ZNF804B: variants seen among roughly 807,000 people sequenced by gnomAD.
ZNF804B encodes the protein zinc finger 804B.
Under a neutral mutation model 101.4 loss-of-function variants are expected in ZNF804B, and 80 were observed. The observed-to-expected ratio is 0.79, with a 90% CI of 0.66 to 0.95. ZNF804B has a LOEUF of 0.95. Ranked by LOEUF, ZNF804B falls within the 40% of genes least tolerant of loss-of-function variation. The probability of loss-of-function intolerance (pLI) is 0.00; values close to 1 mark genes in which losing one functional copy is unlikely to be tolerated. For synonymous variants in ZNF804B, 622 were observed against 558.8 expected (o/e 1.11, Z -1.59); for missense variants, 1,673 against 1,561.9 (o/e 1.07, Z -1.20).
intron 2 of ZNF804B, among the ~76,000 whole-genome samples, chr7:89,247,121 G>A (rs1190891072): frequency 1.3e-5 from 2 of 152,206 alleles, no homozygotes; most frequent in Non-Finnish European, 2.9e-5. Context: ...TCAGGGCTGA[G>A]GAGATTTCCT....
intron 1 of ZNF804B, among the ~76,000 whole-genome samples, chr7:88,978,644 G>A (rs554623265): frequency 6.7e-6 from 1 of 148,748 alleles, no homozygotes; most frequent in East Asian, 2.0e-4. Flanking sequence ...ATTTGCTCTT[G>A]TTTTTTTTTA....
chr7:88,781,336 A>C (rs930666672), intron 1 of ZNF804B, among the ~76,000 whole-genome samples: 85 of 152,336 alleles, frequency 5.6e-4, no homozygotes, highest in African/African-American at 1.8e-3. Context: ...TAAGAGCAGC[A>C]GCAGAAGCCT....
intron 1 of ZNF804B, among the ~76,000 whole-genome samples, chr7:88,891,691 C>A (rs1466886661): frequency 7.1e-6 from 1 of 140,582 alleles, no homozygotes; most frequent in African/African-American, 2.6e-5. Flanking sequence ...TATTTTATTT[C>A]TTTCTCTCTA....
chr7:88,851,497 G>C (rs1057083463), intron 1 of ZNF804B, among the ~76,000 whole-genome samples: 21 of 151,946 alleles, frequency 1.4e-4, no homozygotes, highest in Non-Finnish European at 2.9e-5. Flanking sequence ...TCGAAACAAA[G>C]AAACCATAAT....
intron 1 of ZNF804B, among the ~76,000 whole-genome samples, chr7:88,786,878 T>A (rs1157986961): frequency 6.6e-6 from 1 of 152,150 alleles, no homozygotes; most frequent in Admixed American, 6.6e-5. Context: ...CTTTTTGTGA[T>A]AAGACACTAA....
chr7:89,263,146 T>G (rs1789735850), intron 2 of ZNF804B, among the ~76,000 whole-genome samples: 1 of 152,186 alleles, frequency 6.6e-6, no homozygotes, highest in African/African-American at 2.4e-5. Flanking sequence ...GGACACATTA[T>G]GCCTCCGTCT....
At chr7:89,141,419 T>C (rs1389889212) in intron 1 of ZNF804B, among the ~76,000 whole-genome samples, 1 of 152,020 alleles carries the variant, frequency 6.6e-6, no homozygotes, top group Non-Finnish European at 1.5e-5. Flanking sequence ...TGGTATCTTG[T>C]TCATATATGT....
intron 2 of ZNF804B, among the ~76,000 whole-genome samples, chr7:89,275,409 C>T (rs1789966086): frequency 6.6e-6 from 1 of 151,896 alleles, no homozygotes; most frequent in Admixed American, 6.6e-5. Context: ...GGGTCAAAAC[C>T]CTCCAGCTCT....
At chr7:89,061,147 T>C (rs1789372902) in intron 1 of ZNF804B, among the ~76,000 whole-genome samples, 1 of 152,152 alleles carries the variant, frequency 6.6e-6, no homozygotes, top group Non-Finnish European at 1.5e-5. Context: ...ATGTTTATGC[T>C]TGCAAAATAT....
rs115898572 is a variant in ZNF804B at position 88,993,904 on chromosome 7, C to T, written c.109-224251C>T. Among the ~76,000 whole-genome samples, 148 of 151,972 alleles carry T rather than the reference C, an allele frequency of 9.7e-4. 1 individual carries two copies. The highest frequency in any genetic ancestry group is 3.4e-3 in the African/African-American group (142 of 41,540). On this transcript the variant is annotated intron_variant, in intron 1 of 3. Coordinates refer to ENST00000333190, the MANE Select transcript of ZNF804B (RefSeq NM_181646.5). ...ACAAGTGATTATACAGGCTCTCTCC[C>T]AAAATATTTTACTGTGACTATAATA... is the stretch of plus-strand genomic sequence containing the variant.
At chr7:89,070,869 T>C (rs537887515) in intron 1 of ZNF804B, among the ~76,000 whole-genome samples, 3 of 152,230 alleles carry the variant, frequency 2.0e-5, no homozygotes, top group Admixed American at 2.0e-4. Context: ...GTATACTCTC[T>C]TATAATGGCA....
intron 1 of ZNF804B, among the ~76,000 whole-genome samples, chr7:88,778,839 C>G (rs1241040106): frequency 6.6e-6 from 1 of 152,166 alleles, no homozygotes; most frequent in Admixed American, 6.5e-5. Context: ...CATAAGGTAT[C>G]CATGTTGTCT....
intron 2 of ZNF804B, among the ~76,000 whole-genome samples, chr7:89,295,842 G>T (rs1303989367): frequency 1.3e-5 from 2 of 152,092 alleles, no homozygotes; most frequent in Non-Finnish European, 2.9e-5. Flanking sequence ...ACAAAACAAT[G>T]TATTTTGCAG....
chr7:89,121,797 A>C (rs1017463514), intron 1 of ZNF804B, among the ~76,000 whole-genome samples: 5 of 152,132 alleles, frequency 3.3e-5, no homozygotes, highest in Admixed American at 2.0e-4. Context: ...ATTTAAATGC[A>C]GAACCAGGTG....
chr7:89,161,166 C>T (rs942845001), intron 1 of ZNF804B, among the ~76,000 whole-genome samples: 5 of 152,086 alleles, frequency 3.3e-5, no homozygotes, highest in African/African-American at 4.8e-5. Context: ...GAGAAACCTC[C>T]GCAGCCTGTG....
intron 1 of ZNF804B, among the ~76,000 whole-genome samples, chr7:88,782,248 A>T (rs1200536024): frequency 1.3e-5 from 2 of 151,886 alleles, no homozygotes; most frequent in Non-Finnish European, 2.9e-5. Flanking sequence ...ACACTCTGAG[A>T]AAAGTCCATG....
intron 1 of ZNF804B, among the ~76,000 whole-genome samples, chr7:88,827,158 T>G (rs1791061606): frequency 6.6e-6 from 1 of 152,062 alleles, no homozygotes; most frequent in African/African-American, 2.4e-5. Flanking sequence ...CATATTTTAA[T>G]TATAGAACTT....
intron 1 of ZNF804B, among the ~76,000 whole-genome samples, chr7:88,881,789 A>G (rs935781900): frequency 6.6e-6 from 1 of 152,196 alleles, no homozygotes; most frequent in Non-Finnish European, 1.5e-5. Flanking sequence ...TCTTGTTAAG[A>G]TATCACTGAG....
chr7:89,192,447 G>C (rs1390307801), intron 1 of ZNF804B, among the ~76,000 whole-genome samples: 3 of 151,434 alleles, frequency 2.0e-5, no homozygotes, highest in Non-Finnish European at 4.4e-5. Flanking sequence ...TGCACAAAAT[G>C]GATTAAACTA....
Sources: allele counts gnomAD v4.1 joint callset (sites outside exome capture counted in the v4.1 genomes callset), GRCh38; gene constraint gnomAD v4.1.1; transcripts MANE v1.5; gene names NCBI Gene and HGNC (gene_info 2026-07-23, HGNC 2026-07-21).